The following TRAPPC9 variants were observed in gnomAD, a reference collection of about 807,000 sequenced individuals.
TRAPPC9 encodes IKK2 binding protein.
In TRAPPC9, 83 loss-of-function variants were observed where a neutral mutation model predicts 124.0. The observed-to-expected ratio is 0.67, with a 90% CI of 0.56 to 0.80. The LOEUF is 0.80. Among genes scored for constraint, TRAPPC9 ranks in the 30% least tolerant of loss-of-function variants. TRAPPC9 has a pLI of 0.00. For missense variants in TRAPPC9, 1,302 were observed against 1,508.3 expected (o/e 0.86, Z 2.27); for synonymous variants, 638 against 617.5 (o/e 1.03, Z -0.49).
At chr8:140,070,805 C>G (rs1346266804) in intron 17 of TRAPPC9, among the ~76,000 whole-genome samples, 1 of 152,214 alleles carries the variant, frequency 6.6e-6, no homozygotes, top group African/African-American at 2.4e-5. Flanking sequence ...CCAGGAAACA[C>G]TTCCAGGAGG....
intron 21 of TRAPPC9, among the ~76,000 whole-genome samples, chr8:139,805,882 G>T (rs1824012788): frequency 1.3e-5 from 2 of 152,212 alleles, no homozygotes; most frequent in South Asian, 4.1e-4. Flanking sequence ...ATGCAAGCCT[G>T]TAAGTGTCTC....
chr8:140,026,055 C>T (rs1840128264), intron 17 of TRAPPC9, among the ~76,000 whole-genome samples: 1 of 152,166 alleles, frequency 6.6e-6, no homozygotes, highest in Admixed American at 6.5e-5. Flanking sequence ...TTTTTGTCTT[C>T]CTGAATTTGA....
At chr8:140,250,868 A>G (rs7017431) in intron 16 of TRAPPC9, among the ~76,000 whole-genome samples, 120,479 of 152,044 alleles carry the variant, frequency 0.79, 48,279 homozygotes, top group African/African-American at 0.93. Context: ...ACCATAATTC[A>G]AGGCCTGATT....
At chr8:140,094,795 G>A (rs982423340) in intron 17 of TRAPPC9, 1 of 152,200 alleles carries the variant, frequency 6.6e-6, no homozygotes, top group African/African-American at 2.4e-5. Flanking sequence ...ACTCTGGGCA[G>A]CTTCCTTCAT....
chr8:140,228,476 T>C (rs918677533), intron 16 of TRAPPC9, among the ~76,000 whole-genome samples: 3 of 152,224 alleles, frequency 2.0e-5, no homozygotes, highest in African/African-American at 7.2e-5. Flanking sequence ...CTTTGGAATA[T>C]GCTTAGGAAA....
At chr8:140,004,907 C>T (rs1838650077) in intron 18 of TRAPPC9, among the ~76,000 whole-genome samples, 1 of 152,310 alleles carries the variant, frequency 6.6e-6, no homozygotes, top group South Asian at 2.1e-4. Flanking sequence ...GCCACCCACA[C>T]CTTTGGTCAA....
intron 5 of TRAPPC9, among the ~76,000 whole-genome samples, chr8:140,423,834 T>C (rs2070327752): frequency 6.6e-6 from 1 of 152,098 alleles, no homozygotes; most frequent in African/African-American, 2.4e-5. Flanking sequence ...CGCATGAAGC[T>C]TGAAACATAC....
At chr8:139,807,328 A>G (rs1007783217) in intron 21 of TRAPPC9, among the ~76,000 whole-genome samples, 1 of 152,200 alleles carries the variant, frequency 6.6e-6, no homozygotes, top group Non-Finnish European at 1.5e-5. Flanking sequence ...CTCATGACCC[A>G]TGCGTTCAGA....
rs191908677 is a variant in TRAPPC9, at chr8:140,210,888, T to C, written c.2556+10571A>G. On this transcript the variant is annotated intron_variant, in intron 17 of 22. Coordinates refer to ENST00000438773, the MANE Select transcript of TRAPPC9 (RefSeq NM_001160372.4). ...AGGAGTAACTGGCATAATACGTGTT[T>C]TCCTCGCCGCTGATGGGAACAGCCA... 2.3e-3 allele frequency among the ~76,000 whole-genome samples: 350 copies of C among 152,352 alleles called. 1 individual carries two copies. The highest frequency in any genetic ancestry group is 8.1e-3 in the African/African-American group (337 of 41,586).
chr8:139,882,068 A>C (rs1167599193), intron 21 of TRAPPC9, among the ~76,000 whole-genome samples: 1 of 152,198 alleles, frequency 6.6e-6, no homozygotes, highest in African/African-American at 2.4e-5. Flanking sequence ...TTTTCACACC[A>C]GGGCTTGGGT....
intron 17 of TRAPPC9, among the ~76,000 whole-genome samples, chr8:140,145,862 C>T (rs567709837): frequency 2.3e-4 from 34 of 145,818 alleles, no homozygotes; most frequent in African/African-American, 7.9e-4. Context: ...TTATTTTCTT[C>T]CTTCACATGT....
chr8:139,980,735 G>A (rs751225157), intron 19 of TRAPPC9, among the ~76,000 whole-genome samples: 7 of 152,236 alleles, frequency 4.6e-5, no homozygotes, highest in Admixed American at 1.3e-4. Flanking sequence ...AGAGGGCTCC[G>A]CGTGGCTCCA....
chr8:140,288,418 T>C (rs1243691607), intron 12 of TRAPPC9, among the ~76,000 whole-genome samples: 1 of 152,224 alleles, frequency 6.6e-6, no homozygotes, highest in Non-Finnish European at 1.5e-5. Context: ...CTTATTTCGG[T>C]ATGTACTAAG....
In TRAPPC9 at chr8:140,451,393, G is replaced by A; in HGVS notation, c.-10-10C>T. On this transcript the variant is annotated splice_polypyrimidine_tract_variant and intron_variant, in intron 1 of 22. Transcript: ENST00000438773. ...GCTCATTTTGAAGTCCCTGTTCAGA[G>A]AGAAGAAATGAGGCTGTGAGACACA... The A allele has an allele frequency of 1.3e-6, 2 of 1,594,982 alleles. No homozygotes were observed. The highest frequency in any genetic ancestry group is 2.2e-5 in the East Asian group (1 of 44,856).
intron 14 of TRAPPC9, among the ~76,000 whole-genome samples, chr8:140,282,002 T>C (rs143519700): frequency 3.2e-4 from 49 of 152,280 alleles, no homozygotes; most frequent in African/African-American, 1.1e-3. Context: ...GACTTGTCAA[T>C]TTCTCCACTT....
At position 140,230,980 on chromosome 8, in the gene TRAPPC9, G is replaced by A. The variant is rs568098013; in HGVS notation, c.2432-9397C>T. Among the ~76,000 whole-genome samples, 6 of 152,266 alleles carry A rather than the reference G, an allele frequency of 3.9e-5. No individual in the cohort carries two copies. In the South Asian group the frequency reaches 1.0e-3, roughly 26 times the overall value. On this transcript the variant is annotated intron_variant, in intron 16 of 22. Coordinates refer to ENST00000438773, the MANE Select transcript of TRAPPC9 (RefSeq NM_001160372.4). ...CTGACTGACACAGGAAGTCAGACTTGGATCTGGGCGCTTACAACAGTGACC... is the reference window on the plus strand; with the variant it reads ...CTGACTGACACAGGAAGTCAGACTTAGATCTGGGCGCTTACAACAGTGACC...
At chr8:139,924,363 C>G (rs960194098) in intron 19 of TRAPPC9, among the ~76,000 whole-genome samples, 4 of 152,166 alleles carry the variant, frequency 2.6e-5, no homozygotes, top group African/African-American at 9.7e-5. Flanking sequence ...TGCACCTGAC[C>G]CGGCCACATG....
At chr8:140,331,742 T>A (rs1049422626) in intron 9 of TRAPPC9, among the ~76,000 whole-genome samples, 2 of 152,036 alleles carry the variant, frequency 1.3e-5, no homozygotes, top group Non-Finnish European at 2.9e-5. Context: ...TCATCACTAA[T>A]CATCAGGGAA....
chr8:140,300,439 A>G, intron 11 of TRAPPC9, 30 bp downstream of exon 11: 1 of 1,614,000 alleles, frequency 6.2e-7, no homozygotes, highest in Non-Finnish European at 8.5e-7. Flanking sequence ...GTGGCAGAGC[A>G]CGGTGGGAAA....
Sources: allele counts gnomAD v4.1 joint callset (sites outside exome capture counted in the v4.1 genomes callset), GRCh38; gene constraint gnomAD v4.1.1; transcripts MANE v1.5; gene names NCBI Gene and HGNC (gene_info 2026-07-23, HGNC 2026-07-21).